Variants in DTYMK observed in about 807,000 individuals in gnomAD.
DTYMK encodes deoxythymidylate kinase.
Under a neutral mutation model 20.3 loss-of-function variants are expected in DTYMK, and 20 were observed. That is an observed-to-expected ratio of 0.99 (90% CI 0.69 to 1.43). The LOEUF (loss-of-function observed/expected upper bound fraction) is 1.43, where lower values mean the gene tolerates loss of function less well. DTYMK is among the 40% of genes most tolerant of loss of function. The pLI is 0.00. For missense variants in DTYMK, 320 were observed against 291.1 expected, an observed-to-expected ratio of 1.10 and a Z score of -0.72; for synonymous variants, 148 against 124.4, an observed-to-expected ratio of 1.19 and a Z score of -1.27.
chr2:241,682,499 G>A (rs1216557791), intron 2 of DTYMK, among the ~76,000 whole-genome samples: 1 of 152,200 alleles, frequency 6.6e-6, no homozygotes, highest in Admixed American at 6.5e-5. Flanking sequence ...CTTAAAAAGT[G>A]GGCCAAGGCT....
In DTYMK at chr2:241,676,017, A is replaced by C; in HGVS notation, c.*110T>G. The C allele has an allele frequency of 5.9e-5, 61 of 1,038,870 alleles. No homozygotes were observed. The highest frequency in any genetic ancestry group is 3.3e-4 in the Middle Eastern group (1 of 3,050). The allele number at this position is 1,038,870 out of a possible 1,614,324, so 64.4% of individuals were successfully genotyped here. A position where few individuals can be genotyped will look rare whatever the true frequency, so the allele number is the denominator to read the frequency against. On this transcript the variant is annotated 3_prime_UTR_variant, in exon 5 of 5. Coordinates refer to ENST00000305784, the MANE Select transcript of DTYMK (RefSeq NM_012145.4). Reference sequence around the variant, plus strand: ...GCCTGCAGATCTCTGCTGCCGGGAAAGAGCTCCTGAAGTTGTGGGGTCTGG... The same window carrying C: ...GCCTGCAGATCTCTGCTGCCGGGAACGAGCTCCTGAAGTTGTGGGGTCTGG...
At chr2:241,685,968 C>T in intron 1 of DTYMK, 91 bp from the exon 2 acceptor site, 2 of 1,302,242 alleles carry the variant, frequency 1.5e-6, no homozygotes, top group East Asian at 4.7e-5. Flanking sequence ...CTCCCGGACT[C>T]AAGTCTCACG....
At chr2:241,682,334 C>A in intron 2 of DTYMK, 1 of 394,636 alleles carries the variant, frequency 2.5e-6, no homozygotes, top group Non-Finnish European at 5.1e-6. Flanking sequence ...GAGACCCTGT[C>A]TAAAAAAAGA....
chr2:241,679,468 A>T (rs2069191365), intron 3 of DTYMK, among the ~76,000 whole-genome samples: 2 of 152,208 alleles, frequency 1.3e-5, no homozygotes, highest in Admixed American at 1.3e-4. Context: ...GAAATGGCAG[A>T]ATTAAAAAGT....
intron 2 of DTYMK, chr2:241,685,027 AC>A: frequency 6.0e-6 from 1 of 167,176 alleles, no homozygotes; most frequent in African/African-American, 2.4e-5. Context: ...CCTTGACTCT[AC>A]ATTAAAAAAA....
intron 2 of DTYMK, among the ~76,000 whole-genome samples, chr2:241,683,983 G>A (rs2069320876): frequency 6.6e-6 from 1 of 152,064 alleles, no homozygotes; most frequent in Admixed American, 6.6e-5. Context: ...CTTGAACCCG[G>A]GAGGCGGCGG....
chr2:241,682,561 G>C (rs1156335546), intron 2 of DTYMK, among the ~76,000 whole-genome samples: 1 of 152,206 alleles, frequency 6.6e-6, no homozygotes, highest in East Asian at 1.9e-4. Flanking sequence ...GCGGAGGCAG[G>C]CTCATCACTT....
chr2:241,676,602 G>C (rs2069122930), intron 4 of DTYMK, among the ~76,000 whole-genome samples: 1 of 152,252 alleles, frequency 6.6e-6, no homozygotes, highest in Admixed American at 6.5e-5. Flanking sequence ...CCTCAACCTT[G>C]ACAAGTGTCT....
chr2:241,679,463 G>A (rs1323309975), intron 3 of DTYMK, among the ~76,000 whole-genome samples: 1 of 152,172 alleles, frequency 6.6e-6, no homozygotes, highest in Non-Finnish European at 1.5e-5. Flanking sequence ...ATGAAGAAAT[G>A]GCAGAATTAA....
chr2:241,683,926 A>T (rs1280082416), intron 2 of DTYMK, among the ~76,000 whole-genome samples: 1 of 152,036 alleles, frequency 6.6e-6, no homozygotes, highest in Admixed American at 6.6e-5. Flanking sequence ...GCATGGTCGT[A>T]CGCGCCTGTA....
chr2:241,676,957 G>A (rs940915420), intron 4 of DTYMK, among the ~76,000 whole-genome samples: 20 of 152,260 alleles, frequency 1.3e-4, no homozygotes, highest in African/African-American at 3.9e-4. Flanking sequence ...TCGTCCTTGC[G>A]GGGAAGATGA....
chr2:241,678,879 C>T (rs1250946064), intron 3 of DTYMK, among the ~76,000 whole-genome samples: 5 of 152,206 alleles, frequency 3.3e-5, no homozygotes, highest in African/African-American at 9.6e-5. Context: ...GTAGATAGAA[C>T]GGCTGCCAGT....
At chr2:241,678,063 G>A (rs1490380748) in intron 4 of DTYMK, among the ~76,000 whole-genome samples, 1 of 152,086 alleles carries the variant, frequency 6.6e-6, no homozygotes, top group Non-Finnish European at 1.5e-5. Flanking sequence ...ATCACCTGAG[G>A]TCAGGAGTTG....
intron 4 of DTYMK, among the ~76,000 whole-genome samples, chr2:241,676,709 A>G (rs1199058669): frequency 6.6e-6 from 1 of 152,162 alleles, no homozygotes; most frequent in Non-Finnish European, 1.5e-5. Flanking sequence ...CAGCCTCGTG[A>G]CCCCAACCCC....
chr2:241,685,617 C>A, intron 2 of DTYMK, 152 bp downstream of exon 2: 1 of 739,130 alleles, frequency 1.4e-6, no homozygotes, highest in South Asian at 2.0e-5. Flanking sequence ...AACTAGGGCG[C>A]TTCACCACCT....
At chr2:241,683,325 G>C (rs2069308943) in intron 2 of DTYMK, among the ~76,000 whole-genome samples, 1 of 152,194 alleles carries the variant, frequency 6.6e-6, no homozygotes, top group Admixed American at 6.5e-5. Context: ...AATGCAAGAT[G>C]CTGCAGCCAC....
intron 3 of DTYMK, 64 bp from the exon 4 acceptor site, chr2:241,678,713 A>C: frequency 6.4e-7 from 1 of 1,560,314 alleles, no homozygotes; most frequent in Non-Finnish European, 8.7e-7. Flanking sequence ...CGAAAGTCGT[A>C]AAAACAGGAA....
At chr2:241,677,831 G>A (rs190484776) in intron 4 of DTYMK, among the ~76,000 whole-genome samples, 5 of 152,342 alleles carry the variant, frequency 3.3e-5, no homozygotes. Context: ...CATGCCCAGC[G>A]AGAGGCCGCA....
At chr2:241,686,007 C>CA in intron 1 of DTYMK, 130 bp from the exon 2 acceptor site, 1 of 880,250 alleles carries the variant, frequency 1.1e-6, no homozygotes. Flanking sequence ...AATCTCTAGA[C>CA]AGGCTTGGAT....
Sources: allele counts gnomAD v4.1 joint callset (sites outside exome capture counted in the v4.1 genomes callset), GRCh38; gene constraint gnomAD v4.1.1; transcripts MANE v1.5; gene names NCBI Gene and HGNC (gene_info 2026-07-23, HGNC 2026-07-21).